Variants in LRRC4C observed in about 807,000 individuals in gnomAD.
The protein encoded by LRRC4C is leucine rich repeat containing 4C, also known as leucine-rich repeat-containing protein 4C.
A neutral mutation model predicts 33.6 loss-of-function variants in LRRC4C; 5 were observed. The observed-to-expected ratio is 0.15, with a 90% CI of 0.08 to 0.31. The LOEUF (loss-of-function observed/expected upper bound fraction) is 0.31, where lower values mean the gene tolerates loss of function less well. Ranked by LOEUF, LRRC4C falls within the 10% of genes least tolerant of loss-of-function variation. LRRC4C has a pLI of 1.00. For missense variants in LRRC4C, 560 were observed against 796.7 expected (o/e 0.70, Z 3.58); for synonymous variants, 329 against 302.0 (o/e 1.09, Z -0.93).
At chr11:40,175,783 C>G (rs1238756299) in intron 5 of LRRC4C, among the ~76,000 whole-genome samples, 2 of 152,188 alleles carry the variant, frequency 1.3e-5, no homozygotes, top group African/African-American at 4.8e-5. Flanking sequence ...TGATTATATA[C>G]CGTCTTCTGC....
intron 5 of LRRC4C, among the ~76,000 whole-genome samples, chr11:40,166,638 A>AAAG (rs1859620448): frequency 6.6e-6 from 1 of 152,102 alleles, no homozygotes; most frequent in Non-Finnish European, 1.5e-5. Flanking sequence ...AACTATGATG[A>AAAG]TCGAATAGGA....
At chr11:40,572,952 C>T (rs1958042781) in intron 3 of LRRC4C, among the ~76,000 whole-genome samples, 1 of 152,108 alleles carries the variant, frequency 6.6e-6, no homozygotes, top group South Asian at 2.1e-4. Context: ...GTAGTCTACC[C>T]AAATTTATTT....
intron 1 of LRRC4C, among the ~76,000 whole-genome samples, chr11:41,381,470 A>G (rs1031311091): frequency 1.3e-5 from 2 of 151,926 alleles, no homozygotes; most frequent in African/African-American, 4.8e-5. Flanking sequence ...TACTAAAAAT[A>G]CAAAAAATAA....
chr11:40,503,542 C>T (rs1021636326), intron 3 of LRRC4C, among the ~76,000 whole-genome samples: 3 of 152,112 alleles, frequency 2.0e-5, no homozygotes, highest in African/African-American at 7.2e-5. Flanking sequence ...TATTAAAAAG[C>T]CCAATGCAAT....
intron 3 of LRRC4C, among the ~76,000 whole-genome samples, chr11:40,589,900 T>C (rs898602953): frequency 6.0e-5 from 9 of 150,232 alleles, no homozygotes; most frequent in Admixed American, 2.0e-4. Flanking sequence ...TCTCTCTGGC[T>C]GCCCTTAACA....
At chr11:40,895,081 AC>A (rs1458542529) in intron 2 of LRRC4C, among the ~76,000 whole-genome samples, 1 of 152,018 alleles carries the variant, frequency 6.6e-6, no homozygotes, top group African/African-American at 2.4e-5. Flanking sequence ...CACTCTTGTT[AC>A]CCTGAGGTGA....
intron 2 of LRRC4C, among the ~76,000 whole-genome samples, chr11:40,819,237 C>T (rs566467306): frequency 4.6e-5 from 7 of 151,978 alleles, no homozygotes; most frequent in South Asian, 2.1e-4. Context: ...ATACCTTCTG[C>T]AAAAACCCAC....
intron 1 of LRRC4C, among the ~76,000 whole-genome samples, chr11:40,937,127 G>A (rs1957938972): frequency 6.6e-6 from 1 of 152,152 alleles, no homozygotes; most frequent in Admixed American, 6.6e-5. Context: ...GAAGTATTAT[G>A]CAACCATAAA....
At chr11:41,298,657 ATAAATT>A (rs1950206206) in intron 1 of LRRC4C, among the ~76,000 whole-genome samples, 1 of 152,188 alleles carries the variant, frequency 6.6e-6, no homozygotes, top group African/African-American at 2.4e-5. Context: ...TTTAACTTGA[ATAAATT>A]TAAGGGGTGC....
intron 1 of LRRC4C, among the ~76,000 whole-genome samples, chr11:41,178,456 C>T (rs999108524): frequency 6.6e-6 from 1 of 152,106 alleles, no homozygotes; most frequent in African/African-American, 2.4e-5. Flanking sequence ...TAGGCTCAAG[C>T]AATTCTCATG....
At chr11:40,278,344 C>A (rs886636040) in intron 4 of LRRC4C, among the ~76,000 whole-genome samples, 1 of 152,120 alleles carries the variant, frequency 6.6e-6, no homozygotes, top group Admixed American at 6.5e-5. Context: ...ACCTTTGCAA[C>A]AACAGTTAGA....
intron 1 of LRRC4C, among the ~76,000 whole-genome samples, chr11:41,348,791 T>C (rs1951880830): frequency 6.6e-6 from 1 of 152,126 alleles, no homozygotes; most frequent in Non-Finnish European, 1.5e-5. Flanking sequence ...GAAATAGGCA[T>C]GGAGTGGCCC....
intron 2 of LRRC4C, among the ~76,000 whole-genome samples, chr11:40,779,236 G>C (rs1235777016): frequency 6.6e-6 from 1 of 151,992 alleles, no homozygotes; most frequent in Non-Finnish European, 1.5e-5. Context: ...TCAAGTTTTT[G>C]GCTTCATCTA....
At chr11:40,510,727 A>C (rs1017957806) in intron 3 of LRRC4C, among the ~76,000 whole-genome samples, 1 of 152,152 alleles carries the variant, frequency 6.6e-6, no homozygotes, top group Non-Finnish European at 1.5e-5. Flanking sequence ...TCACCCACCT[A>C]GTTGCCTCAG....
intron 1 of LRRC4C, among the ~76,000 whole-genome samples, chr11:41,429,856 C>T (rs1955175605): frequency 6.6e-6 from 1 of 151,970 alleles, no homozygotes; most frequent in African/African-American, 2.4e-5. Context: ...AAAAGAAAAT[C>T]CCCTGGAGAG....
intron 4 of LRRC4C, among the ~76,000 whole-genome samples, chr11:40,307,068 G>T (rs1281856938): frequency 6.7e-6 from 1 of 148,172 alleles, no homozygotes; most frequent in East Asian, 2.0e-4. Context: ...TTTTGCTTGG[G>T]GAGGTGCCCT....
At chr11:40,476,712 T>C (rs1468803000) in intron 3 of LRRC4C, among the ~76,000 whole-genome samples, 4 of 152,208 alleles carry the variant, frequency 2.6e-5, no homozygotes, top group Non-Finnish European at 5.9e-5. Flanking sequence ...ATAAGGGCTG[T>C]AAAATAACAA....
At chr11:40,498,272 G>A (rs1230503411) in intron 3 of LRRC4C, among the ~76,000 whole-genome samples, 3 of 152,058 alleles carry the variant, frequency 2.0e-5, no homozygotes, top group East Asian at 1.9e-4. Flanking sequence ...TGGAAGTAAC[G>A]CTACAACGGA....
At chr11:40,940,907 G>A (rs1313364623) in intron 1 of LRRC4C, among the ~76,000 whole-genome samples, 1 of 142,942 alleles carries the variant, frequency 7.0e-6, no homozygotes, top group Non-Finnish European at 1.5e-5. Context: ...GAGCATGACA[G>A]AGAATTCGTT....
Sources: allele counts gnomAD v4.1 joint callset (sites outside exome capture counted in the v4.1 genomes callset), GRCh38; gene constraint gnomAD v4.1.1; transcripts MANE v1.5; gene names NCBI Gene and HGNC (gene_info 2026-07-23, HGNC 2026-07-21).